CATSPERE: variants seen among roughly 807,000 people sequenced by gnomAD.
The protein encoded by CATSPERE is catsper channel auxiliary subunit epsilon.
In CATSPERE, 93 loss-of-function variants were observed where a neutral mutation model predicts 114.1. The observed-to-expected ratio is 0.81, with a 90% CI of 0.69 to 0.97. CATSPERE has a LOEUF of 0.97. Among genes scored for constraint, CATSPERE ranks in the 50% least tolerant of loss-of-function variants. The pLI, the probability that CATSPERE is intolerant of heterozygous loss-of-function variation, is 0.00. For missense variants in CATSPERE, 1,058 were observed against 1,131.6 expected, an observed-to-expected ratio of 0.93 and a Z score of 0.93; for synonymous variants, 341 against 384.1, an observed-to-expected ratio of 0.89 and a Z score of 1.31.
At chr1:244,512,838 C>T (rs1418503587) in intron 7 of CATSPERE, among the ~76,000 whole-genome samples, 2 of 152,182 alleles carry the variant, frequency 1.3e-5, no homozygotes, top group Non-Finnish European at 2.9e-5. Context: ...ATTTCTTCAG[C>T]TATATAATCA....
At chr1:244,462,817 T>C (rs1667022748) in intron 1 of CATSPERE, among the ~76,000 whole-genome samples, 1 of 152,178 alleles carries the variant, frequency 6.6e-6, no homozygotes, top group African/African-American at 2.4e-5. Context: ...ATAAGGGAAT[T>C]GCATAATGAT....
At chr1:244,591,421 G>C (rs1667707650) in intron 14 of CATSPERE, among the ~76,000 whole-genome samples, 1 of 152,156 alleles carries the variant, frequency 6.6e-6, no homozygotes, top group Non-Finnish European at 1.5e-5. Flanking sequence ...CCCTGCATCT[G>C]CTATAATTTT....
intron 8 of CATSPERE, among the ~76,000 whole-genome samples, chr1:244,525,899 C>T (rs992207350): frequency 1.4e-5 from 2 of 147,086 alleles, no homozygotes; most frequent in African/African-American, 2.7e-5. Flanking sequence ...TTTTTTTCTG[C>T]TACTTAAGAA....
intron 21 of CATSPERE, among the ~76,000 whole-genome samples, chr1:244,638,482 T>G (rs1036109013): frequency 6.6e-6 from 1 of 152,200 alleles, no homozygotes; most frequent in African/African-American, 2.4e-5. Flanking sequence ...TGTCCTGAGC[T>G]TCCCACTCTG....
intron 13 of CATSPERE, among the ~76,000 whole-genome samples, 162 bp from the exon 14 acceptor site, chr1:244,588,320 T>C (rs1233005328): frequency 6.6e-6 from 1 of 150,760 alleles, no homozygotes; most frequent in Non-Finnish European, 1.5e-5. Flanking sequence ...AAAAAAGTGA[T>C]CAAGGAAAGA....
chr1:244,609,439 C>T (rs1257336038), intron 18 of CATSPERE, among the ~76,000 whole-genome samples: 4 of 151,716 alleles, frequency 2.6e-5, no homozygotes, highest in African/African-American at 9.7e-5. Context: ...CAACCTCTGC[C>T]TCCCAGGTTC....
intron 5 of CATSPERE, among the ~76,000 whole-genome samples, chr1:244,482,813 T>TTA: frequency 6.6e-6 from 1 of 152,326 alleles, no homozygotes; most frequent in East Asian, 1.9e-4. Flanking sequence ...TGTCTTTTTG[T>TTA]TATTTTATCC....
chr1:244,521,178 A>AC (rs1460142210), intron 8 of CATSPERE, among the ~76,000 whole-genome samples: 1 of 151,862 alleles, frequency 6.6e-6, no homozygotes, highest in Non-Finnish European at 1.5e-5. Context: ...ACATAGAGAG[A>AC]CCCCATCTCT....
chr1:244,528,515 TG>T (rs1372786757), intron 8 of CATSPERE, among the ~76,000 whole-genome samples: 1 of 152,136 alleles, frequency 6.6e-6, no homozygotes, highest in African/African-American at 2.4e-5. Context: ...TTAATTTTTG[TG>T]GGTACATAGT....
intron 20 of CATSPERE, among the ~76,000 whole-genome samples, chr1:244,626,762 T>C (rs927516872): frequency 6.6e-6 from 1 of 152,226 alleles, no homozygotes; most frequent in African/African-American, 2.4e-5. Context: ...TCAGCCTTCC[T>C]AGAATTGAAG....
intron 1 of CATSPERE, among the ~76,000 whole-genome samples, chr1:244,463,336 A>G (rs1362873219): frequency 1.3e-5 from 2 of 152,048 alleles, no homozygotes; most frequent in Non-Finnish European, 2.9e-5. Flanking sequence ...GGGAATTAAG[A>G]ACCCTCCATC....
intron 20 of CATSPERE, among the ~76,000 whole-genome samples, chr1:244,626,059 C>T (rs1414366237): frequency 6.6e-6 from 1 of 152,066 alleles, no homozygotes; most frequent in Non-Finnish European, 1.5e-5. Flanking sequence ...CTGAAGGGCC[C>T]TAGAATTTTT....
At chr1:244,455,419 G>C (rs1666056089) in intron 1 of CATSPERE, among the ~76,000 whole-genome samples, 1 of 151,948 alleles carries the variant, frequency 6.6e-6, no homozygotes, top group South Asian at 2.1e-4. Context: ...CTTAATTTCA[G>C]GTGGGAAGTT....
chr1:244,524,102 A>G (rs1019563208), intron 8 of CATSPERE, among the ~76,000 whole-genome samples: 2 of 151,458 alleles, frequency 1.3e-5, no homozygotes, highest in Non-Finnish European at 2.9e-5. Context: ...ACAAGGCTGC[A>G]GTAACCAAAA....
At chr1:244,458,605 C>T (rs1002447440), upstream of CATSPERE, among the ~76,000 whole-genome samples, 8 of 152,124 alleles carry the variant, frequency 5.3e-5, no homozygotes, top group Admixed American at 2.0e-4. Context: ...TTTTCAGAGT[C>T]GAGAGAACTT....
At chr1:244,553,659 AG>A (rs1661139052) in intron 9 of CATSPERE, among the ~76,000 whole-genome samples, 1 of 150,734 alleles carries the variant, frequency 6.6e-6, no homozygotes, top group Non-Finnish European at 1.5e-5. Context: ...ATATATATAT[AG>A]TTGCTAAGTG....
At chr1:244,557,773 T>C (rs3005998) in intron 9 of CATSPERE, among the ~76,000 whole-genome samples, 150,119 of 150,902 alleles carry the variant, frequency 0.99, 74,675 homozygotes, top group Middle Eastern at 1. Flanking sequence ...CAACCTCATT[T>C]TCTTTTTCCT....
In CATSPERE at chr1:244,524,123, T is replaced by C. The variant is rs200561188; in HGVS notation, c.536+5425T>C. Among the ~76,000 whole-genome samples, 475 of 148,826 alleles carry C rather than the reference T, an allele frequency of 3.2e-3. 6 individuals carry two copies. The highest frequency in any genetic ancestry group is 0.011 in the African/African-American group (426 of 39,040). The stretch of plus-strand genomic sequence containing the variant: ...CTGCAGTAACCAAAACAGCATGGTA[T>C]TGGTACCAAAACAGAGATATAGATC... On this transcript the variant is annotated intron_variant, in intron 8 of 21. Coordinates refer to ENST00000366534, the MANE Select transcript of CATSPERE (RefSeq NM_001130957.2).
intron 8 of CATSPERE, among the ~76,000 whole-genome samples, chr1:244,522,923 C>G (rs760219676): frequency 6.6e-6 from 1 of 152,100 alleles, no homozygotes; most frequent in African/African-American, 2.4e-5. Flanking sequence ...GGAACTGGTA[C>G]CATTCCTTCT....
Sources: gnomAD v4.1 joint callset for allele counts (sites outside exome capture counted in the v4.1 genomes callset) on GRCh38, gnomAD v4.1.1 for gene constraint, MANE v1.5 for transcripts, NCBI Gene and HGNC (gene_info 2026-07-23, HGNC 2026-07-21) for gene names.